The following NCAPD3 variants were observed in gnomAD, a reference collection of about 807,000 sequenced individuals.
NCAPD3 encodes the protein condensin-2 complex subunit D3.
In NCAPD3, 105 loss-of-function variants were observed where a neutral mutation model predicts 182.9. That is an observed-to-expected ratio of 0.57 (90% CI 0.49 to 0.68). The LOEUF is 0.68. NCAPD3 is among the 30% of genes least tolerant of loss of function. NCAPD3 has a pLI of 0.00. For missense variants in NCAPD3, 1,944 were observed against 1,837.0 expected, an observed-to-expected ratio of 1.06 and a Z score of -1.07; for synonymous variants, 815 against 679.9, an observed-to-expected ratio of 1.20 and a Z score of -3.09.
intron 3 of NCAPD3, among the ~76,000 whole-genome samples, chr11:134,213,372 T>G (rs1591863259): frequency 6.6e-6 from 1 of 150,898 alleles, no homozygotes; most frequent in Admixed American, 6.6e-5. Flanking sequence ...CAGGCTGGAG[T>G]GCAGTGGCAC....
At chr11:134,172,445 T>C (rs1018521748) in intron 24 of NCAPD3, among the ~76,000 whole-genome samples, 2 of 152,184 alleles carry the variant, frequency 1.3e-5, no homozygotes, top group African/African-American at 4.8e-5. Flanking sequence ...GTTCCATGGC[T>C]TCACTAAGGC....
At chr11:134,161,506 GT>G (rs1286102560) in intron 28 of NCAPD3, among the ~76,000 whole-genome samples, 3 of 152,218 alleles carry the variant, frequency 2.0e-5, no homozygotes, top group Non-Finnish European at 4.4e-5. Flanking sequence ...AGCTGGGAAA[GT>G]TTTCCAGATG....
At chr11:134,221,912 G>A (rs1938244737) in intron 1 of NCAPD3, among the ~76,000 whole-genome samples, 1 of 152,174 alleles carries the variant, frequency 6.6e-6, no homozygotes, top group Non-Finnish European at 1.5e-5. Flanking sequence ...GGAATATGCT[G>A]CCTGAAAGAA....
chr11:134,161,434 G>A (rs531748526), intron 28 of NCAPD3, among the ~76,000 whole-genome samples: 5 of 152,270 alleles, frequency 3.3e-5, no homozygotes, highest in East Asian at 1.9e-4. Context: ...AATCAAACCC[G>A]AAGACTCACT....
intron 31 of NCAPD3, 40 bp downstream of exon 31, chr11:134,157,888 T>C (rs754391619): frequency 5.1e-6 from 8 of 1,572,952 alleles, no homozygotes; most frequent in East Asian, 4.5e-5. Flanking sequence ...TTTTCATCTG[T>C]AAATGCTCTA....
In NCAPD3 at chr11:134,206,644, G is replaced by A; in HGVS notation, c.971C>T (p.Thr324Ile). Residue 324 changes from threonine (T) to isoleucine (I), a missense_variant, in exon 8 of 35, where the codon ACC (threonine) becomes ATC (isoleucine). Physicochemically the swap from Thr to Ile is moderately conservative, Grantham distance 89. Transcript: ENST00000534548. ...EGSHRAPLAVTSQVINCRNQA... is the reference protein window; with the variant it reads ...EGSHRAPLAVISQVINCRNQA... Reference sequence around the variant, plus strand: ...GTTTCTACAGTTGATGACTTGGGAGGTAACAGCAAGGGGGGCACGATGGGA... The same window carrying A: ...GTTTCTACAGTTGATGACTTGGGAGATAACAGCAAGGGGGGCACGATGGGA... The A allele has an allele frequency of 6.2e-7, 1 of 1,613,688 alleles. No homozygotes were observed. Among genetic ancestry groups the A allele is most frequent in the Non-Finnish European group, 8.5e-7 (1 of 1,179,862 alleles).
chr11:134,185,717 T>A (rs1315638942), intron 16 of NCAPD3, among the ~76,000 whole-genome samples, 191 bp from the exon 17 acceptor site: 1 of 152,166 alleles, frequency 6.6e-6, no homozygotes, highest in Non-Finnish European at 1.5e-5. Context: ...ATTTTTATTA[T>A]TCTACTATCA....
chr11:134,153,696 T>C (rs1943331748), intron 32 of NCAPD3: 1 of 371,950 alleles, frequency 2.7e-6, no homozygotes, highest in Non-Finnish European at 5.1e-6. Flanking sequence ...CTACACCTCC[T>C]ACTGTGGCTC....
intron 13 of NCAPD3, among the ~76,000 whole-genome samples, chr11:134,199,618 G>A (rs1029067851): frequency 6.6e-6 from 1 of 152,206 alleles, no homozygotes; most frequent in Non-Finnish European, 1.5e-5. Context: ...GGGGACAACA[G>A]AGAGTCTCCA....
chr11:134,154,045 G>A (rs1355754338), intron 32 of NCAPD3: 5 of 153,586 alleles, frequency 3.3e-5, no homozygotes, highest in Non-Finnish European at 7.2e-5. Context: ...CTGGCTCAGT[G>A]TCTCACCAGC....
At chr11:134,195,005 T>C (rs1322220173) in intron 13 of NCAPD3, among the ~76,000 whole-genome samples, 2 of 152,252 alleles carry the variant, frequency 1.3e-5, no homozygotes, top group East Asian at 1.9e-4. Flanking sequence ...ATCTCTTCCA[T>C]TTTGTTTAGC....
chr11:134,156,999 G>T lies in NCAPD3; in HGVS notation c.4252+19C>A. 1 of 1,595,126 alleles carries T rather than the reference G, an allele frequency of 6.3e-7. No homozygotes were observed. The highest frequency in any genetic ancestry group is 8.6e-7 in the Non-Finnish European group (1 of 1,165,570). ...GGAGAGACTGAGGAGAAGCCCACGTGTTCCGATCAGTTACTCACTCTCGGG... is the reference window on the plus strand; with the variant it reads ...GGAGAGACTGAGGAGAAGCCCACGTTTTCCGATCAGTTACTCACTCTCGGG... On this transcript the variant is annotated intron_variant, in intron 32 of 34. Transcript: ENST00000534548.
At chr11:134,222,057 T>C (rs955055202) in intron 1 of NCAPD3, among the ~76,000 whole-genome samples, 8 of 152,230 alleles carry the variant, frequency 5.3e-5, no homozygotes, top group African/African-American at 1.9e-4. Flanking sequence ...TACCATCAAA[T>C]CTAATTTGGA....
chr11:134,169,012 G>A lies in NCAPD3; in HGVS notation c.3144C>T (p.Asn1048=), dbSNP rs143188183. 5 of 1,614,036 alleles carry A rather than the reference G, an allele frequency of 3.1e-6. No homozygotes were observed. Among genetic ancestry groups the A allele is most frequent in the Non-Finnish European group, 4.2e-6 (5 of 1,179,958 alleles). Residue 1048 remains asparagine (N), a synonymous_variant, in exon 25 of 35, where the codon AAC becomes AAT. Coordinates refer to ENST00000534548, the MANE Select transcript of NCAPD3 (RefSeq NM_015261.3). ...TGAAGTGTTGGAAGAACATGACAGG[G>A]TTCCTCTTCAGTAACAGGTGAGCCA... ...FCLAHLLLKR[N]PVMFFQHFIE... is the part of the protein sequence containing the mutation.
intron 16 of NCAPD3, among the ~76,000 whole-genome samples, chr11:134,186,942 G>A (rs1944419642): frequency 1.3e-5 from 2 of 152,112 alleles, no homozygotes; most frequent in South Asian, 2.1e-4. Context: ...CAATGAACAA[G>A]TATTTTTAAA....
At chr11:134,153,872 C>T (rs931067201) in intron 32 of NCAPD3, 10 of 174,690 alleles carry the variant, frequency 5.7e-5, no homozygotes, top group Middle Eastern at 2.5e-3. Flanking sequence ...CTCCAGTCGC[C>T]GCCTCATCCT....
At chr11:134,165,275 A>G (rs370189333) in intron 27 of NCAPD3, among the ~76,000 whole-genome samples, 7 of 139,874 alleles carry the variant, frequency 5.0e-5, no homozygotes, top group African/African-American at 1.9e-4. Context: ...GGAGCTGCAC[A>G]CTCGCTTGTG....
chr11:134,224,031 C>G (rs1565564055), upstream of NCAPD3: 2 of 1,380,880 alleles, frequency 1.4e-6, no homozygotes, highest in Non-Finnish European at 2.0e-6. Flanking sequence ...ACAGAATTTC[C>G]CACTGGCCAA....
intron 2 of NCAPD3, among the ~76,000 whole-genome samples, chr11:134,218,292 C>T (rs1244695851): frequency 1.3e-5 from 2 of 152,110 alleles, no homozygotes; most frequent in Non-Finnish European, 2.9e-5. Context: ...CTAGTCTGGG[C>T]GTCAGTGACC....
Sources: allele counts gnomAD v4.1 joint callset (sites outside exome capture counted in the v4.1 genomes callset), GRCh38; gene constraint gnomAD v4.1.1; transcripts MANE v1.5; gene names NCBI Gene and HGNC (gene_info 2026-07-23, HGNC 2026-07-21).